Variants in ERG observed in about 807,000 individuals in gnomAD.
The protein encoded by ERG is transcriptional regulator ERG.
ERG carries 9 observed loss-of-function variants against 55.3 expected under a neutral mutation model. The observed-to-expected ratio is 0.16, with a 90% CI of 0.10 to 0.28. The LOEUF (loss-of-function observed/expected upper bound fraction) is 0.28. ERG is among the 10% of genes least tolerant of loss of function. The pLI is 1.00. For synonymous variants in ERG, 223 were observed against 237.3 expected, an observed-to-expected ratio of 0.94 and a Z score of 0.55; for missense variants, 434 against 631.6, an observed-to-expected ratio of 0.69 and a Z score of 3.35.
intron 1 of ERG, among the ~76,000 whole-genome samples, chr21:38,610,908 T>C (rs1050984697): frequency 6.6e-6 from 1 of 152,124 alleles, no homozygotes; most frequent in Non-Finnish European, 1.5e-5. Context: ...GAAGAAAGTG[T>C]TTCACACAGA....
chr21:38,557,386 G>C (rs1274497919), intron 2 of ERG, among the ~76,000 whole-genome samples: 1 of 152,094 alleles, frequency 6.6e-6, no homozygotes, highest in Non-Finnish European at 1.5e-5. Flanking sequence ...ACATAGAGCA[G>C]CTGAGAAGCT....
chr21:38,573,672 T>C (rs1395956464), intron 2 of ERG, among the ~76,000 whole-genome samples: 2 of 152,214 alleles, frequency 1.3e-5, no homozygotes, highest in Middle Eastern at 3.2e-3. Flanking sequence ...ACTACATTCC[T>C]TTTTGCTAAA....
chr21:38,611,446 C>T (rs1476689294), intron 1 of ERG, among the ~76,000 whole-genome samples: 4 of 151,998 alleles, frequency 2.6e-5, no homozygotes, highest in African/African-American at 7.3e-5. Context: ...TCCACTCCTC[C>T]CCTCTCTCCA....
At chr21:38,427,118 C>T (rs961794723) in intron 2 of ERG, among the ~76,000 whole-genome samples, 28 of 152,198 alleles carry the variant, frequency 1.8e-4, no homozygotes, top group African/African-American at 5.1e-4. Flanking sequence ...TGCGGCAGCT[C>T]ATGCCTGTAA....
At chr21:38,441,797 C>T (rs2058843458) in intron 2 of ERG, among the ~76,000 whole-genome samples, 1 of 152,240 alleles carries the variant, frequency 6.6e-6, no homozygotes, top group Admixed American at 6.5e-5. Context: ...CAGTGTTCCT[C>T]CCCTGCCTAT....
chr21:38,567,733 G>A (rs1433858933), intron 2 of ERG, among the ~76,000 whole-genome samples: 1 of 152,220 alleles, frequency 6.6e-6, no homozygotes, highest in Non-Finnish European at 1.5e-5. Flanking sequence ...GCTCCATCGT[G>A]AAATCCACCC....
chr21:38,516,804 T>C (rs2059555554), intron 2 of ERG, among the ~76,000 whole-genome samples: 1 of 151,890 alleles, frequency 6.6e-6, no homozygotes, highest in Admixed American at 6.6e-5. Context: ...AACCCAGAAA[T>C]AAATCCACAT....
At chr21:38,582,349 C>T (rs539665317) in intron 1 of ERG, among the ~76,000 whole-genome samples, 6 of 152,290 alleles carry the variant, frequency 3.9e-5, no homozygotes, top group Non-Finnish European at 7.3e-5. Flanking sequence ...TGCTAACTTC[C>T]GGTAGTCAGT....
chr21:38,472,988 C>T (rs1024429471), intron 1 of ERG, among the ~76,000 whole-genome samples: 1 of 152,198 alleles, frequency 6.6e-6, no homozygotes, highest in African/African-American at 2.4e-5. Flanking sequence ...GGCTCCCCGC[C>T]TGCAGACCCG....
intron 3 of ERG, among the ~76,000 whole-genome samples, chr21:38,407,874 T>C (rs951010343): frequency 3.9e-4 from 57 of 147,528 alleles, no homozygotes; most frequent in African/African-American, 1.3e-3. Flanking sequence ...TATAAAATAA[T>C]AAAATATATA....
At chr21:38,629,041 C>T (rs1200437472) in intron 1 of ERG, among the ~76,000 whole-genome samples, 4 of 152,166 alleles carry the variant, frequency 2.6e-5, no homozygotes, top group African/African-American at 9.7e-5. Context: ...ATAACATTTA[C>T]AATTCAATAG....
chr21:38,441,823 C>A (rs1291319847), intron 2 of ERG, among the ~76,000 whole-genome samples: 1 of 152,226 alleles, frequency 6.6e-6, no homozygotes, highest in East Asian at 1.9e-4. Flanking sequence ...CCCAGCTGCC[C>A]TTTTCCTCAA....
intron 2 of ERG, among the ~76,000 whole-genome samples, chr21:38,545,937 C>T (rs899292548): frequency 5.3e-5 from 8 of 152,234 alleles, no homozygotes; most frequent in African/African-American, 1.9e-4. Flanking sequence ...GACTTCTCCT[C>T]TCTTCTCCTT....
Position 38,403,658 on chromosome 21 carries a change from A to T in ERG, c.440T>A (p.Val147Glu). ...DHVRQWLEWA[V>E]KEYGLPDVNI... is the part of the protein sequence containing the mutation. ...GACGTCTGGAAGGCCATATTCTTTC[A>T]CCGCCCACTCCAGCCACTGCCGCAC... The change falls in exon 4 of 10, where the codon GTG (valine) becomes GAG (glutamate). Residue 147 changes from valine (V) to glutamate (E), a missense_variant. Val to Glu is a moderately radical substitution (Grantham distance 121). Around this residue, in one of 5 missense-constraint regions of ERG, gnomAD observed 212 missense variants for 262.9 expected, o/e 0.81. Coordinates refer to ENST00000288319, the MANE Select transcript of ERG (RefSeq NM_182918.4). 6.2e-7 allele frequency: 1 copy of T among 1,613,924 alleles called. No individual in the cohort carries two copies. Among genetic ancestry groups the T allele is most frequent in the Non-Finnish European group, 8.5e-7 (1 of 1,179,962 alleles).
intron 1 of ERG, among the ~76,000 whole-genome samples, chr21:38,641,985 C>T (rs772882155): frequency 6.6e-6 from 1 of 152,138 alleles, no homozygotes; most frequent in Non-Finnish European, 1.5e-5. Context: ...ATTGGGAATT[C>T]CTGGTTTATA....
At chr21:38,572,440 A>G (rs369190302) in intron 2 of ERG, among the ~76,000 whole-genome samples, 24 of 151,984 alleles carry the variant, frequency 1.6e-4, no homozygotes, top group African/African-American at 5.8e-4. Flanking sequence ...GCCAGAAGAA[A>G]CTTCTCGCAC....
Position 38,382,950 on chromosome 21 carries a change from G to A in ERG, c.*453C>T. 9.4e-7 allele frequency: 1 copy of A among 1,067,340 alleles called. No homozygotes were observed. Among genetic ancestry groups the A allele is most frequent in the South Asian group, 4.5e-5 (1 of 21,984 alleles). The allele number at this position is 1,067,340 out of a possible 1,614,324, so 66.1% of individuals were successfully genotyped here. On this transcript the variant is annotated 3_prime_UTR_variant, in exon 10 of 10. Coordinates refer to ENST00000288319, the MANE Select transcript of ERG (RefSeq NM_182918.4). ...GTGTCTTTTCTCTTGTTTTTGATAT[G>A]TTTCTATTTTTAAATACAGGTAGTT...
intron 2 of ERG, among the ~76,000 whole-genome samples, chr21:38,538,450 T>C (rs1044859809): frequency 4.6e-5 from 7 of 151,826 alleles, no homozygotes; most frequent in African/African-American, 1.7e-4. Flanking sequence ...ATCAAGGAGA[T>C]AGAATTGTGT....
chr21:38,400,557 CA>C lies in ERG; in HGVS notation c.745+16del. 6.3e-7 allele frequency: 1 copy of C among 1,593,954 alleles called. No homozygotes were observed. The highest frequency in any genetic ancestry group is 2.2e-5 in the East Asian group (1 of 44,798). ...GATGTCTCTCAATGAAGAGATCACA[CA>C]GGGGTGTTTTCGTACCTGGCCTAGT... is the stretch of plus-strand genomic sequence containing the variant. On this transcript the variant is annotated intron_variant, in intron 6 of 9. Transcript: ENST00000288319.
Sources: allele counts gnomAD v4.1 joint callset (sites outside exome capture counted in the v4.1 genomes callset), GRCh38; gene constraint gnomAD v4.1.1; regional missense constraint gnomAD v4.1.1; transcripts MANE v1.5; gene names NCBI Gene and HGNC (gene_info 2026-07-23, HGNC 2026-07-21).